MAP7: variants seen among roughly 807,000 people sequenced by gnomAD.
MAP7 encodes microtubule associated protein 7, also known as ensconsin.
MAP7 carries 52 observed loss-of-function variants against 94.8 expected under a neutral mutation model. The observed-to-expected ratio is 0.55, with a 90% CI of 0.44 to 0.69. The LOEUF (loss-of-function observed/expected upper bound fraction) is 0.69. Ranked by LOEUF, MAP7 falls within the 30% of genes least tolerant of loss-of-function variation. The probability of loss-of-function intolerance (pLI) is 0.00; values close to 1 mark genes in which losing one functional copy is unlikely to be tolerated. For missense variants in MAP7, 940 were observed against 964.6 expected (o/e 0.97, Z 0.34); for synonymous variants, 350 against 357.0 (o/e 0.98, Z 0.22).
intron 1 of MAP7, among the ~76,000 whole-genome samples, chr6:136,447,730 A>T (rs1437183074): frequency 1.3e-5 from 2 of 152,216 alleles, no homozygotes; most frequent in Non-Finnish European, 2.9e-5. Context: ...CTCTTGTATC[A>T]ATATCAACTT....
intron 1 of MAP7, chr6:136,525,830 A>G (rs1341024281): frequency 6.5e-7 from 1 of 1,534,038 alleles, no homozygotes; most frequent in Non-Finnish European, 8.7e-7. Context: ...GCTAATGCAT[A>G]CCTTTTGGTC....
intron 1 of MAP7, among the ~76,000 whole-genome samples, chr6:136,506,123 T>C (rs547358640): frequency 1.3e-5 from 2 of 152,300 alleles, no homozygotes; most frequent in Admixed American, 6.5e-5. Flanking sequence ...CCAATTTATG[T>C]TTTCCTAGAA....
intron 1 of MAP7, among the ~76,000 whole-genome samples, chr6:136,500,534 T>C (rs1819533795): frequency 1.3e-5 from 2 of 152,224 alleles, no homozygotes; most frequent in Admixed American, 1.3e-4. Context: ...TGAAAGTAAC[T>C]CTAAATAAAT....
intron 1 of MAP7, among the ~76,000 whole-genome samples, chr6:136,455,907 G>T (rs1439920448): frequency 6.6e-6 from 1 of 151,988 alleles, no homozygotes; most frequent in Non-Finnish European, 1.5e-5. Context: ...AACTCAGTAG[G>T]GATATGATAA....
At chr6:136,474,385 C>T (rs1385608803) in intron 1 of MAP7, among the ~76,000 whole-genome samples, 1 of 152,108 alleles carries the variant, frequency 6.6e-6, no homozygotes, top group Non-Finnish European at 1.5e-5. Flanking sequence ...GCAGTGAGCC[C>T]AGTTCAGTCA....
chr6:136,405,477 A>C, intron 3 of MAP7, among the ~76,000 whole-genome samples: 1 of 152,348 alleles, frequency 6.6e-6, no homozygotes, highest in South Asian at 2.1e-4. Context: ...GGTGGAGTGC[A>C]TTTGGCTGTA....
chr6:136,537,713 G>A (rs939202317), intron 1 of MAP7, among the ~76,000 whole-genome samples: 1 of 152,126 alleles, frequency 6.6e-6, no homozygotes, highest in African/African-American at 2.4e-5. Context: ...AGACAATTTG[G>A]GAGCATTGCT....
At chr6:136,549,872 C>A (rs1304172597) in intron 1 of MAP7, among the ~76,000 whole-genome samples, 1 of 152,204 alleles carries the variant, frequency 6.6e-6, no homozygotes, top group Admixed American at 6.5e-5. Flanking sequence ...CGCTGAGGAG[C>A]CCCCGGCACC....
intron 1 of MAP7, among the ~76,000 whole-genome samples, chr6:136,508,254 A>AC (rs1465532203): frequency 2.0e-5 from 3 of 151,872 alleles, no homozygotes; most frequent in African/African-American, 7.3e-5. Context: ...GAGCCTGGGG[A>AC]AGTGGAGGCT....
intron 1 of MAP7, among the ~76,000 whole-genome samples, chr6:136,510,725 C>T (rs1823016934): frequency 6.6e-6 from 1 of 151,918 alleles, no homozygotes; most frequent in Non-Finnish European, 1.5e-5. Flanking sequence ...TGGTATATTG[C>T]TATATTTTAT....
chr6:136,360,910 G>A, intron 12 of MAP7, 95 bp downstream of exon 12: 1 of 1,543,292 alleles, frequency 6.5e-7, no homozygotes, highest in Non-Finnish European at 8.8e-7. Flanking sequence ...TGTGGAAAGC[G>A]GGAGCACCAG....
intron 3 of MAP7, among the ~76,000 whole-genome samples, chr6:136,401,597 C>G (rs1158986258): frequency 6.6e-6 from 1 of 152,006 alleles, no homozygotes. Context: ...CACTTGGACA[C>G]AGGATAGGGA....
At chr6:136,480,669 A>AG (rs1812560769) in intron 1 of MAP7, among the ~76,000 whole-genome samples, 1 of 148,852 alleles carries the variant, frequency 6.7e-6, no homozygotes, top group African/African-American at 2.5e-5. Flanking sequence ...AAAAAAAAAA[A>AG]GAAAAGAAAA....
At chr6:136,519,895 A>T (rs1583129251) in intron 1 of MAP7, among the ~76,000 whole-genome samples, 1 of 152,304 alleles carries the variant, frequency 6.6e-6, no homozygotes, top group South Asian at 2.1e-4. Context: ...AATGAATAGC[A>T]TGACAGAAAA....
At chr6:136,421,873 A>G in intron 1 of MAP7, 74 bp from the exon 2 acceptor site, 1 of 1,145,180 alleles carries the variant, frequency 8.7e-7, no homozygotes. Context: ...TAAGTATTCG[A>G]CATTTACTGT....
At chr6:136,453,294 G>A (rs1801754303) in intron 1 of MAP7, among the ~76,000 whole-genome samples, 1 of 152,138 alleles carries the variant, frequency 6.6e-6, no homozygotes, top group Admixed American at 6.6e-5. Flanking sequence ...GCCATTGGCT[G>A]TAAAACCTGT....
chr6:136,358,516 C>T (rs1791616709), intron 15 of MAP7, among the ~76,000 whole-genome samples: 1 of 152,190 alleles, frequency 6.6e-6, no homozygotes, highest in Non-Finnish European at 1.5e-5. Context: ...AGCATGAAAA[C>T]TCCACTATAA....
chr6:136,544,555 G>A (rs941123788), intron 1 of MAP7, among the ~76,000 whole-genome samples: 2 of 152,096 alleles, frequency 1.3e-5, no homozygotes, highest in Non-Finnish European at 1.5e-5. Flanking sequence ...TGTCTGCTTT[G>A]CTGGCTCTTC....
intron 1 of MAP7, among the ~76,000 whole-genome samples, chr6:136,482,350 G>T (rs1025156127): frequency 6.6e-6 from 1 of 152,206 alleles, no homozygotes; most frequent in Non-Finnish European, 1.5e-5. Flanking sequence ...TGTAATCCCA[G>T]CACTTTGGGA....
Sources: gnomAD v4.1 joint callset for allele counts (sites outside exome capture counted in the v4.1 genomes callset) on GRCh38, gnomAD v4.1.1 for gene constraint, MANE v1.5 for transcripts, NCBI Gene and HGNC (gene_info 2026-07-23, HGNC 2026-07-21) for gene names.